Variants in RNFT2 observed in about 807,000 individuals in gnomAD.
RNFT2 encodes E3 ubiquitin-protein ligase RNFT2.
A neutral mutation model predicts 53.0 loss-of-function variants in RNFT2; 36 were observed. The observed-to-expected ratio is 0.68, with a 90% CI of 0.52 to 0.90. The LOEUF is 0.90. Ranked by LOEUF, RNFT2 falls within the 40% of genes least tolerant of loss-of-function variation. RNFT2 has a pLI of 0.00. For synonymous variants in RNFT2, 260 were observed against 253.2 expected (o/e 1.03, Z -0.26); for missense variants, 514 against 585.6 (o/e 0.88, Z 1.26).
intron 1 of RNFT2, 139 bp from the exon 2 acceptor site, chr12:116,740,205 AG>A (rs1200360003): frequency 1.7e-5 from 5 of 295,746 alleles, no homozygotes; most frequent in Non-Finnish European, 2.6e-5. Context: ...AGGAGTTTCA[AG>A]GGGGGATCAC....
At position 116,852,657 on chromosome 12, in the gene RNFT2, T is replaced by G. The variant is rs758984739; in HGVS notation, c.*3209T>G. 1 of 1,614,024 alleles carries G rather than the reference T, an allele frequency of 6.2e-7. No homozygotes were observed. The highest frequency in any genetic ancestry group is 8.5e-7 in the Non-Finnish European group (1 of 1,179,896). On this transcript the variant is annotated 3_prime_UTR_variant, in exon 11 of 11. Coordinates refer to ENST00000257575, the MANE Select transcript of RNFT2 (RefSeq NM_001382266.1). ...AGATCATCCTGCCTGCAGATGCTGTTGAAGGGGCACAAGAAATTGGAGCTG... is the reference window on the plus strand; with the variant it reads ...AGATCATCCTGCCTGCAGATGCTGTGGAAGGGGCACAAGAAATTGGAGCTG...
intron 2 of RNFT2, 87 bp downstream of exon 2, chr12:116,740,608 C>A (rs1871560065): frequency 1.7e-6 from 2 of 1,204,742 alleles, no homozygotes; most frequent in South Asian, 1.3e-5. Flanking sequence ...GACCACTCCA[C>A]CCCTCCCATG....
At chr12:116,785,361 C>G (rs1464809421) in intron 7 of RNFT2, among the ~76,000 whole-genome samples, 5 of 151,754 alleles carry the variant, frequency 3.3e-5, no homozygotes, top group African/African-American at 1.2e-4. Context: ...GGCGCAATCA[C>G]AGTTCACTGC....
chr12:116,845,274 TAGAGAGAGAG>T (rs3069215), intron 10 of RNFT2, among the ~76,000 whole-genome samples: 3,070 of 125,294 alleles, frequency 0.025, 80 homozygotes, highest in East Asian at 0.06. Flanking sequence ...TATATATATA[TAGAGAGAGAG>T]AGAGAGAGAG....
intron 7 of RNFT2, among the ~76,000 whole-genome samples, chr12:116,820,845 G>C (rs922394261): frequency 1.3e-5 from 2 of 152,124 alleles, no homozygotes; most frequent in Non-Finnish European, 2.9e-5. Flanking sequence ...GATTGTCAGA[G>C]TCTGGGGACA....
rs185575826 is a variant in RNFT2, at chr12:116,842,137, G to A, written c.1200+5855G>A. ...GCCGTGTGGTTGCTGGTAGGATTCC[G>A]TTCCTAATGGGCTGTGAAATTGGAG... On this transcript the variant is annotated intron_variant, in intron 10 of 10. Transcript: ENST00000257575. 4.0e-5 allele frequency among the ~76,000 whole-genome samples: 6 copies of A among 150,914 alleles called. No homozygotes were observed. The East Asian group carries it at 5.9e-4, about 15-fold the overall frequency.
intron 2 of RNFT2, 28 bp from the exon 3 acceptor site, chr12:116,741,008 T>C (rs1871580957): frequency 6.3e-7 from 1 of 1,599,278 alleles, no homozygotes; most frequent in African/African-American, 1.3e-5. Flanking sequence ...GTTGGGAGAC[T>C]CTGGCTCACC....
intron 7 of RNFT2, among the ~76,000 whole-genome samples, chr12:116,781,610 C>G (rs536997788): frequency 1.2e-4 from 18 of 152,116 alleles, no homozygotes; most frequent in Non-Finnish European, 2.2e-4. Context: ...TCCCCCTACA[C>G]CTCTGCCTTC....
chr12:116,801,699 CAA>C (rs1398778320), intron 7 of RNFT2, among the ~76,000 whole-genome samples: 1 of 152,164 alleles, frequency 6.6e-6, no homozygotes, highest in African/African-American at 2.4e-5. Flanking sequence ...AGAATCTAAC[CAA>C]AGTCAGGATC....
intron 3 of RNFT2, among the ~76,000 whole-genome samples, chr12:116,741,916 C>T (rs1871626696): frequency 6.6e-6 from 1 of 152,036 alleles, no homozygotes; most frequent in Admixed American, 6.6e-5. Context: ...CTCTCAAAGC[C>T]CTGGGATTAT....
intron 6 of RNFT2, among the ~76,000 whole-genome samples, chr12:116,768,099 CTTT>C (rs528793630): frequency 7.6e-6 from 1 of 131,942 alleles, no homozygotes; most frequent in Non-Finnish European, 1.6e-5. Context: ...ACAGTTTGGC[CTTT>C]TTTTTTTTTT....
chr12:116,742,813 TG>T (rs974938672), intron 3 of RNFT2, among the ~76,000 whole-genome samples: 14 of 152,088 alleles, frequency 9.2e-5, no homozygotes, highest in African/African-American at 3.4e-4. Flanking sequence ...CCACGTATGG[TG>T]GTGCATACCT....
intron 7 of RNFT2, among the ~76,000 whole-genome samples, chr12:116,781,901 A>T (rs545055224): frequency 2.0e-5 from 3 of 151,422 alleles, no homozygotes; most frequent in African/African-American, 7.3e-5. Context: ...ACACGGTGAA[A>T]CCCCGTCTCT....
intron 10 of RNFT2, among the ~76,000 whole-genome samples, chr12:116,841,868 T>TAAATATATATAA (rs1877319210): frequency 3.9e-5 from 1 of 25,762 alleles, no homozygotes; most frequent in South Asian, 7.2e-4. Context: ...AATATATATA[T>TAAATATATATAA]AAATATATAT....
intron 10 of RNFT2, among the ~76,000 whole-genome samples, chr12:116,844,728 G>T (rs1877517508): frequency 6.6e-6 from 1 of 152,154 alleles, no homozygotes; most frequent in Non-Finnish European, 1.5e-5. Flanking sequence ...CTCAGTGAAT[G>T]TGTTGAATGA....
At chr12:116,763,176 GAAAA>G (rs67556946) in intron 5 of RNFT2, among the ~76,000 whole-genome samples, 1 of 147,278 alleles carries the variant, frequency 6.8e-6, no homozygotes, top group Admixed American at 6.8e-5. Flanking sequence ...TGTGCTTTCA[GAAAA>G]AAAAAAAAAA....
At chr12:116,811,715 G>A (rs1273162123) in intron 7 of RNFT2, among the ~76,000 whole-genome samples, 3 of 152,214 alleles carry the variant, frequency 2.0e-5, no homozygotes, top group Non-Finnish European at 2.9e-5. Context: ...GTCTGTGTGT[G>A]TGTGCATCCA....
At chr12:116,786,530 A>G (rs539042892) in intron 7 of RNFT2, among the ~76,000 whole-genome samples, 1 of 147,650 alleles carries the variant, frequency 6.8e-6, no homozygotes, top group African/African-American at 2.7e-5. Flanking sequence ...GGGACAAGAT[A>G]AGGAAGGCAT....
intron 7 of RNFT2, among the ~76,000 whole-genome samples, chr12:116,828,899 A>G (rs1213123025): frequency 6.6e-6 from 1 of 151,944 alleles, no homozygotes; most frequent in Non-Finnish European, 1.5e-5. Context: ...CCTACAGGGG[A>G]CTCAGGAAGC....
Sources: allele counts gnomAD v4.1 joint callset (sites outside exome capture counted in the v4.1 genomes callset), GRCh38; gene constraint gnomAD v4.1.1; transcripts MANE v1.5; gene names NCBI Gene and HGNC (gene_info 2026-07-23, HGNC 2026-07-21).